Variants in ACSL3 observed in about 807,000 individuals in gnomAD.
ACSL3 encodes the protein acyl-CoA synthetase long chain family member 3.
In ACSL3, 34 loss-of-function variants were observed where a neutral mutation model predicts 84.7. That is an observed-to-expected ratio of 0.40 (90% CI 0.31 to 0.53). The LOEUF is 0.53. Ranked by LOEUF, ACSL3 falls within the 20% of genes least tolerant of loss-of-function variation. The pLI is 0.48. For missense variants in ACSL3, 680 were observed against 873.1 expected, an observed-to-expected ratio of 0.78 and a Z score of 2.79; for synonymous variants, 315 against 299.4, an observed-to-expected ratio of 1.05 and a Z score of -0.54.
At chr2:222,882,117 C>T (rs1472291932) in intron 1 of ACSL3, among the ~76,000 whole-genome samples, 1 of 152,134 alleles carries the variant, frequency 6.6e-6, no homozygotes, top group East Asian at 1.9e-4. Flanking sequence ...ATCATTCTGG[C>T]TTAACAAAAT....
intron 10 of ACSL3, 87 bp downstream of exon 10, chr2:222,923,236 A>T: frequency 8.9e-7 from 1 of 1,125,994 alleles, no homozygotes; most frequent in Non-Finnish European, 1.3e-6. Flanking sequence ...TATATTGTTG[A>T]CAAGGTAGTT....
intron 4 of ACSL3, among the ~76,000 whole-genome samples, chr2:222,912,470 G>A (rs1696469759): frequency 6.6e-6 from 1 of 152,172 alleles, no homozygotes; most frequent in Non-Finnish European, 1.5e-5. Flanking sequence ...AGTGAAGTGT[G>A]TCTTCATTAA....
chr2:222,929,058 A>C (rs1411779282), intron 13 of ACSL3, 122 bp downstream of exon 13: 1 of 701,842 alleles, frequency 1.4e-6, no homozygotes, highest in Non-Finnish European at 2.4e-6. Flanking sequence ...CCTTTGTGAT[A>C]GACGTGTTTT....
intron 1 of ACSL3, among the ~76,000 whole-genome samples, chr2:222,876,827 G>A (rs1695462983): frequency 6.6e-6 from 1 of 152,088 alleles, no homozygotes; most frequent in Non-Finnish European, 1.5e-5. Context: ...TTAAAATACA[G>A]TTGTAATAAG....
chr2:222,899,423 C>T (rs555225068), intron 2 of ACSL3, among the ~76,000 whole-genome samples: 3 of 152,086 alleles, frequency 2.0e-5, no homozygotes, highest in East Asian at 1.9e-4. Flanking sequence ...TGCAGTGAGC[C>T]GAGATCGCAT....
chr2:222,867,841 C>T (rs1415858764), intron 1 of ACSL3, among the ~76,000 whole-genome samples: 1 of 151,970 alleles, frequency 6.6e-6, no homozygotes, highest in Non-Finnish European at 1.5e-5. Context: ...ACATTTTTGT[C>T]TCGGCCTTCC....
rs375798869 is a variant in ACSL3 at position 222,923,074 on chromosome 2, G to A, written c.1081-4G>A. 1.2e-6 allele frequency: 2 copies of A among 1,609,724 alleles called. No homozygotes were observed. The highest frequency in any genetic ancestry group is 2.7e-5 in the African/African-American group (2 of 74,750). On this transcript the variant is annotated splice_region_variant and splice_polypyrimidine_tract_variant and intron_variant, in intron 9 of 16. Transcript: ENST00000357430. ...TATATGGATCACTTTTTCTTATTTT[G>A]TAGTCTTCAAAAATTAAAAAAGGAA... is the stretch of plus-strand genomic sequence containing the variant.
intron 1 of ACSL3, among the ~76,000 whole-genome samples, chr2:222,866,994 T>G (rs1177481327): frequency 6.6e-6 from 1 of 151,412 alleles, no homozygotes; most frequent in African/African-American, 2.4e-5. Context: ...ACCACCACAC[T>G]CGGCTAATTT....
chr2:222,941,012 C>T (rs1226949617), intron 16 of ACSL3, among the ~76,000 whole-genome samples: 1 of 152,124 alleles, frequency 6.6e-6, no homozygotes, highest in Non-Finnish European at 1.5e-5. Context: ...AGTCATCCTC[C>T]CACCTCAGCC....
At chr2:222,889,787 T>C (rs1278953768) in intron 2 of ACSL3, among the ~76,000 whole-genome samples, 3 of 152,172 alleles carry the variant, frequency 2.0e-5, no homozygotes, top group Non-Finnish European at 4.4e-5. Flanking sequence ...TGTCTTCTGT[T>C]TTTAAGTGTA....
At chr2:222,894,720 A>C (rs1695928029) in intron 2 of ACSL3, among the ~76,000 whole-genome samples, 1 of 151,892 alleles carries the variant, frequency 6.6e-6, no homozygotes, top group African/African-American at 2.4e-5. Context: ...TCAGGCATGA[A>C]GCCAGGCATG....
At chr2:222,922,535 C>G (rs765073508) in intron 8 of ACSL3, among the ~76,000 whole-genome samples, 173 bp from the exon 9 acceptor site, 5 of 143,738 alleles carry the variant, frequency 3.5e-5, no homozygotes, top group South Asian at 4.6e-4. Context: ...CAGCATCTGC[C>G]TATCCTCTGT....
intron 1 of ACSL3, among the ~76,000 whole-genome samples, chr2:222,887,422 A>G (rs970972858): frequency 6.6e-6 from 1 of 151,872 alleles, no homozygotes; most frequent in African/African-American, 2.4e-5. Flanking sequence ...CATATTTTCA[A>G]CTCTTTTGGG....
At position 222,919,398 on chromosome 2, in the gene ACSL3, T is replaced by C. The variant is rs1232721440; in HGVS notation, c.805+196T>C. The C allele has an allele frequency of 9.0e-6, 4 of 444,314 alleles. No homozygotes were observed. The East Asian group carries it at 1.5e-4, about 16-fold the overall frequency. The allele number at this position is 444,314 out of a possible 1,614,324, so 27.5% of individuals were successfully genotyped here. ...TTTAAGGAAAAATATAAACATTAAT[T>C]ATTAATGTTTTAAAGGTAGTATTTA... is the stretch of plus-strand genomic sequence containing the variant. On this transcript the variant is annotated intron_variant, in intron 7 of 16. Coordinates refer to ENST00000357430, the MANE Select transcript of ACSL3 (RefSeq NM_004457.5).
intron 2 of ACSL3, among the ~76,000 whole-genome samples, chr2:222,888,965 C>A (rs1695782472): frequency 1.3e-5 from 2 of 152,174 alleles, no homozygotes; most frequent in Non-Finnish European, 2.9e-5. Context: ...TAGGTAAACC[C>A]ATTGTAACAC....
intron 4 of ACSL3, among the ~76,000 whole-genome samples, chr2:222,915,939 G>A (rs1423405354): frequency 6.6e-6 from 1 of 152,070 alleles, no homozygotes; most frequent in Admixed American, 6.5e-5. Flanking sequence ...TGCGGTACTT[G>A]GTACTAGGCT....
intron 12 of ACSL3, 137 bp from the exon 13 acceptor site, chr2:222,928,725 A>G (rs980889502): frequency 5.1e-5 from 39 of 762,988 alleles, no homozygotes; most frequent in Non-Finnish European, 7.4e-5. Context: ...TGCTTCACCA[A>G]TATGTGACTT....
At chr2:222,867,431 A>T (rs1695179837) in intron 1 of ACSL3, among the ~76,000 whole-genome samples, 1 of 152,222 alleles carries the variant, frequency 6.6e-6, no homozygotes, top group African/African-American at 2.4e-5. Flanking sequence ...ATTTCTGTAC[A>T]GCTTTATTAC....
intron 2 of ACSL3, among the ~76,000 whole-genome samples, chr2:222,894,188 G>C (rs921929123): frequency 6.6e-6 from 1 of 152,052 alleles, no homozygotes; most frequent in Non-Finnish European, 1.5e-5. Flanking sequence ...GTTAAGCTCC[G>C]TTACTTTACT....
Sources: allele counts gnomAD v4.1 joint callset (sites outside exome capture counted in the v4.1 genomes callset), GRCh38; gene constraint gnomAD v4.1.1; transcripts MANE v1.5; gene names NCBI Gene and HGNC (gene_info 2026-07-23, HGNC 2026-07-21).